AGMO: variants seen among roughly 807,000 people sequenced by gnomAD.
AGMO encodes glyceryl-ether monooxygenase.
In AGMO, 75 loss-of-function variants were observed where a neutral mutation model predicts 60.2. That is an observed-to-expected ratio of 1.25 (90% CI 1.03 to 1.51). AGMO has a LOEUF of 1.51. AGMO is among the 40% of genes most tolerant of loss of function. The pLI, the probability that AGMO is intolerant of heterozygous loss-of-function variation, is 0.00. For synonymous variants in AGMO, 261 were observed against 177.1 expected (o/e 1.47, Z -3.76); for missense variants, 763 against 525.5 (o/e 1.45, Z -4.42).
At chr7:15,521,760 T>C (rs1783995409) in intron 3 of AGMO, among the ~76,000 whole-genome samples, 1 of 152,134 alleles carries the variant, frequency 6.6e-6, no homozygotes, top group African/African-American at 2.4e-5. Context: ...GGGCAAAAGA[T>C]GGAAGCATTT....
chr7:15,206,537 A>T (rs1781444510), intron 12 of AGMO, among the ~76,000 whole-genome samples: 1 of 152,104 alleles, frequency 6.6e-6, no homozygotes, highest in Non-Finnish European at 1.5e-5. Flanking sequence ...CTAAATTTTA[A>T]ATCAAACAGT....
the AGMO span, among the ~76,000 whole-genome samples, chr7:15,184,059 T>C: frequency 6.6e-6 from 1 of 152,172 alleles, no homozygotes; most frequent in Non-Finnish European, 1.5e-5. Context: ...TTTAATTTAA[T>C]CTCTTCATCT....
intron 6 of AGMO, among the ~76,000 whole-genome samples, chr7:15,393,338 A>T (rs1017189133): frequency 6.6e-6 from 1 of 152,248 alleles, no homozygotes; most frequent in Non-Finnish European, 1.5e-5. Context: ...TTACTTATGT[A>T]TTCATTTTAC....
At position 15,322,613 on chromosome 7, in the gene AGMO, A is replaced by T. The variant is rs1364094100; in HGVS notation, c.1263+42901T>A. On this transcript the variant is annotated intron_variant, in intron 12 of 12. Transcript: ENST00000342526. ...ATATAAATATATATAAATATATATA[A>T]ATATATAAATATATATAAATATATA... Among the ~76,000 whole-genome samples, 33 of 29,386 alleles carry T rather than the reference A, an allele frequency of 1.1e-3. 7 individuals are homozygous for T. The highest frequency in any genetic ancestry group is 0.024 in the Middle Eastern group (1 of 42). 19.3% of individuals were successfully genotyped at this position (29,386 alleles called of 152,430 possible).
chr7:15,368,852 C>T (rs139542610), intron 10 of AGMO, among the ~76,000 whole-genome samples: 5 of 152,214 alleles, frequency 3.3e-5, no homozygotes, highest in Non-Finnish European at 2.9e-5. Flanking sequence ...TACCAAACTG[C>T]ATCCTGACTA....
chr7:15,292,100 G>A (rs564632521), intron 12 of AGMO, among the ~76,000 whole-genome samples: 1 of 152,302 alleles, frequency 6.6e-6, no homozygotes, highest in East Asian at 1.9e-4. Flanking sequence ...GATACTGTGA[G>A]GTGGGAGGGA....
intron 3 of AGMO, among the ~76,000 whole-genome samples, chr7:15,479,172 T>A (rs1782681389): frequency 6.6e-6 from 1 of 152,132 alleles, no homozygotes; most frequent in African/African-American, 2.4e-5. Flanking sequence ...AAATATGATA[T>A]AATTCGTGTG....
At chr7:15,261,273 A>C (rs1489748149) in intron 12 of AGMO, among the ~76,000 whole-genome samples, 1 of 151,970 alleles carries the variant, frequency 6.6e-6, no homozygotes, top group Non-Finnish European at 1.5e-5. Context: ...GATTAACCAA[A>C]AAGAGAGACG....
At position 15,342,172 on chromosome 7, in the gene AGMO, T is replaced by TAAAAAAAAAAAAAAAAAAAAAAAAAAAA. The variant is rs775057626; in HGVS notation, c.1263+23341_1263+23342insTTTTTTTTTTTTTTTTTTTTTTTTTTTT. Among the ~76,000 whole-genome samples the TAAAAAAAAAAAAAAAAAAAAAAAAAAAA allele has an allele frequency of 3.7e-5, 2 of 54,304 alleles. 1 individual carries two copies. The highest frequency in any genetic ancestry group is 1.9e-4 in the African/African-American group (2 of 10,746). The allele number at this position is 54,304 out of a possible 152,430, so 35.6% of individuals were successfully genotyped here. On this transcript the variant is annotated intron_variant, in intron 12 of 12. Coordinates refer to ENST00000342526, the MANE Select transcript of AGMO (RefSeq NM_001004320.2). ...AGCTGAGAGTAGATACCCACAGAGTTAAAAAAAAAAAAAAAAAAAAAAAAG... is the reference window on the plus strand; with the variant it reads ...AGCTGAGAGTAGATACCCACAGAGTTAAAAAAAAAAAAAAAAAAAAAAAAAAAAAAAAAAAAAAAAAAAAAAAAAAAAG...
chr7:15,346,359 T>C (rs942814631), intron 12 of AGMO, among the ~76,000 whole-genome samples: 2 of 152,102 alleles, frequency 1.3e-5, no homozygotes, highest in Non-Finnish European at 2.9e-5. Flanking sequence ...CTTTATTTAG[T>C]AAATAACTTG....
chr7:15,234,797 G>A (rs1017949471), intron 12 of AGMO, among the ~76,000 whole-genome samples: 2 of 152,122 alleles, frequency 1.3e-5, no homozygotes, highest in African/African-American at 4.8e-5. Context: ...CATTTCATAT[G>A]TCACTGAATA....
intron 12 of AGMO, among the ~76,000 whole-genome samples, chr7:15,273,312 T>C (rs1183458630): frequency 2.0e-5 from 3 of 152,156 alleles, no homozygotes; most frequent in Admixed American, 2.0e-4. Context: ...GCATAAGGTG[T>C]AAGGAAGGGA....
intron 5 of AGMO, 58 bp from the exon 6 acceptor site, chr7:15,394,237 T>C (rs1250080620): frequency 8.1e-7 from 1 of 1,228,128 alleles, no homozygotes; most frequent in African/African-American, 1.5e-5. Flanking sequence ...TGTGTTAGTA[T>C]ATAAATGCTC....
chr7:15,145,380 T>A, the AGMO span, among the ~76,000 whole-genome samples: 6 of 152,168 alleles, frequency 3.9e-5, no homozygotes, highest in African/African-American at 1.4e-4. Context: ...AAAATACTCT[T>A]ATAGTATGAA....
chr7:15,182,142 T>G, the AGMO span, among the ~76,000 whole-genome samples: 5 of 151,964 alleles, frequency 3.3e-5, no homozygotes, highest in African/African-American at 9.7e-5. Context: ...ATGAGGTGCA[T>G]AGAGTCATCA....
chr7:15,118,135 A>G, the AGMO span, among the ~76,000 whole-genome samples: 1 of 150,700 alleles, frequency 6.6e-6, no homozygotes, highest in Admixed American at 6.7e-5. Flanking sequence ...ATGAGAGTCA[A>G]GGTTAAATTG....
intron 8 of AGMO, among the ~76,000 whole-genome samples, chr7:15,388,396 T>C (rs938463181): frequency 1.3e-5 from 2 of 152,036 alleles, no homozygotes; most frequent in African/African-American, 4.8e-5. Context: ...AGGTAAATGT[T>C]AGGTGGAAGC....
intron 10 of AGMO, among the ~76,000 whole-genome samples, chr7:15,368,778 A>T (rs1783086384): frequency 6.6e-6 from 1 of 152,120 alleles, no homozygotes; most frequent in African/African-American, 2.4e-5. Flanking sequence ...TCACAGATGA[A>T]ATAAGTACAT....
chr7:15,256,596 T>C (rs955746624), intron 12 of AGMO, among the ~76,000 whole-genome samples: 1 of 152,132 alleles, frequency 6.6e-6, no homozygotes, highest in African/African-American at 2.4e-5. Flanking sequence ...TCTCCTGACC[T>C]CGTGTTCCAC....
Sources: allele counts gnomAD v4.1 joint callset (sites outside exome capture counted in the v4.1 genomes callset), GRCh38; gene constraint gnomAD v4.1.1; transcripts MANE v1.5; gene names NCBI Gene and HGNC (gene_info 2026-07-23, HGNC 2026-07-21).